Variants in ANK3 observed in about 807,000 individuals in gnomAD.
ANK3 encodes ankyrin-3.
Under a neutral mutation model 370.9 loss-of-function variants are expected in ANK3, and 57 were observed. The ratio of observed to expected loss-of-function variants is 0.15; its 90% CI spans 0.12 to 0.19. The LOEUF is 0.19. Ranked by LOEUF, ANK3 falls within the 10% of genes least tolerant of loss-of-function variation. The pLI is 1.00. For missense variants in ANK3, 4,439 were observed against 5,302.1 expected (o/e 0.84, Z 5.06); for synonymous variants, 1,929 against 1,946.3 (o/e 0.99, Z 0.23).
chr10:60,050,395 G>C (rs2077715363), intron 42 of ANK3, among the ~76,000 whole-genome samples: 1 of 152,146 alleles, frequency 6.6e-6, no homozygotes, highest in Admixed American at 6.5e-5. Flanking sequence ...GGGCAGATTT[G>C]GTGGAGTTTC....
At chr10:60,486,032 C>T (rs968041566) in intron 2 of ANK3, among the ~76,000 whole-genome samples, 3 of 152,068 alleles carry the variant, frequency 2.0e-5, no homozygotes, top group African/African-American at 7.2e-5. Context: ...CAAAGAAAAA[C>T]TTCCCTCAAA....
At chr10:60,586,954 T>C (rs1301110684) in intron 2 of ANK3, among the ~76,000 whole-genome samples, 1 of 152,174 alleles carries the variant, frequency 6.6e-6, no homozygotes, top group Non-Finnish European at 1.5e-5. Flanking sequence ...ATATTAGATG[T>C]ATTAGTCCAT....
chr10:60,289,005 GGT>G (rs2040696170), intron 1 of ANK3, among the ~76,000 whole-genome samples: 1 of 151,684 alleles, frequency 6.6e-6, no homozygotes, highest in Non-Finnish European at 1.5e-5. Context: ...GATCTCCTTT[GGT>G]GGCACATTAA....
intron 23 of ANK3, among the ~76,000 whole-genome samples, chr10:60,141,485 T>C (rs1038650079): frequency 2.0e-5 from 3 of 151,086 alleles, no homozygotes; most frequent in Non-Finnish European, 4.4e-5. Context: ...CCTGTTTATG[T>C]TGGCAGTGAA....
intron 42 of ANK3, among the ~76,000 whole-genome samples, chr10:60,048,190 C>G (rs2077263786): frequency 6.6e-6 from 1 of 152,094 alleles, no homozygotes. Context: ...AGGGATGGAA[C>G]CACCCCAGAC....
At chr10:60,162,283 T>C (rs1319849160) in intron 23 of ANK3, among the ~76,000 whole-genome samples, 1 of 152,182 alleles carries the variant, frequency 6.6e-6, no homozygotes, top group Non-Finnish European at 1.5e-5. Context: ...CTACTCCCAG[T>C]GCTTTACTTG....
chr10:60,426,711 G>A (rs545599777), intron 2 of ANK3, among the ~76,000 whole-genome samples: 1 of 152,228 alleles, frequency 6.6e-6, no homozygotes, highest in South Asian at 2.1e-4. Context: ...AGGCCGTCAA[G>A]CATCTTCCCA....
At chr10:60,131,693 T>G (rs2094078437) in intron 25 of ANK3, among the ~76,000 whole-genome samples, 1 of 152,200 alleles carries the variant, frequency 6.6e-6, no homozygotes, top group South Asian at 2.1e-4. Flanking sequence ...GAAGCCATTT[T>G]ATAGCACCAC....
chr10:60,278,982 TTACTGAGGGCTGAA>T (rs2098127391), intron 3 of ANK3, 54 bp downstream of exon 3: 1 of 1,565,150 alleles, frequency 6.4e-7, no homozygotes, highest in Non-Finnish European at 8.8e-7. Flanking sequence ...GCCCCCATTC[TTACTGAGGGCTGAA>T]TCCTCACAGA....
chr10:60,298,103 T>C (rs2042926232), intron 1 of ANK3, among the ~76,000 whole-genome samples: 1 of 152,198 alleles, frequency 6.6e-6, no homozygotes, highest in African/African-American at 2.4e-5. Context: ...TCAGTTGCTG[T>C]TGAATGATCT....
rs149951051 is a variant in ANK3 at position 60,207,002 on chromosome 10, T to C, written c.1194+1034A>G. On this transcript the variant is annotated intron_variant, in intron 10 of 43. Coordinates refer to ENST00000280772, the MANE Select transcript of ANK3 (RefSeq NM_020987.5). ...AAAATGAGAGTGGGAGCCCACGCCC[T>C]GTTTTAGGACTTATTTTTTTCTTGT... is the stretch of plus-strand genomic sequence containing the variant. Among the ~76,000 whole-genome samples the C allele has an allele frequency of 2.4e-3, 362 of 152,326 alleles. 2 individuals are homozygous for C. Among genetic ancestry groups the C allele is most frequent in the African/African-American group, 8.4e-3 (348 of 41,578 alleles).
At chr10:60,323,831 G>C (rs988292597) in intron 1 of ANK3, among the ~76,000 whole-genome samples, 1 of 152,178 alleles carries the variant, frequency 6.6e-6, no homozygotes, top group African/African-American at 2.4e-5. Flanking sequence ...GTTTCAAAGA[G>C]GGGGAGGTGG....
At position 60,138,995 on chromosome 10, in the gene ANK3, T is replaced by TGTAA; in HGVS notation, c.2703_2706dup (p.Met903LeufsTer5). ...GAACGCGCTCCGAGACTAAAGCCCA[T>TGTAA]GTAACCCTCTGCAGGCAGGGAATCA... is the stretch of plus-strand genomic sequence containing the variant. On this transcript the variant is annotated frameshift_variant, in exon 24 of 44. Coordinates refer to ENST00000280772, the MANE Select transcript of ANK3 (RefSeq NM_020987.5). LOFTEE classifies it high-confidence loss of function. The TGTAA allele has an allele frequency of 6.2e-7, 1 of 1,613,714 alleles. No individual in the cohort carries two copies. Among genetic ancestry groups the TGTAA allele is most frequent in the Non-Finnish European group, 8.5e-7 (1 of 1,179,840 alleles).
intron 1 of ANK3, among the ~76,000 whole-genome samples, chr10:60,623,477 G>C (rs1206367916): frequency 2.0e-5 from 3 of 152,130 alleles, no homozygotes; most frequent in Non-Finnish European, 4.4e-5. Flanking sequence ...AAAACATAGG[G>C]TGATTAAGTA....
At chr10:60,409,933 GTC>G (rs1395580335) in intron 2 of ANK3, among the ~76,000 whole-genome samples, 1 of 152,022 alleles carries the variant, frequency 6.6e-6, no homozygotes, top group East Asian at 1.9e-4. Context: ...CTGAGCCCTA[GTC>G]TCTCAGCTTC....
chr10:60,627,424 A>T (rs1034839654), intron 1 of ANK3, among the ~76,000 whole-genome samples: 10 of 83,044 alleles, frequency 1.2e-4, no homozygotes, highest in African/African-American at 2.1e-4. Flanking sequence ...AAATAAAAAT[A>T]AAAAAAAGGC....
At position 60,493,175 on chromosome 10, in the gene ANK3, G is replaced by C. The variant is rs531259904; in HGVS notation, c.96+122011C>G. Among the ~76,000 whole-genome samples, 53 of 152,134 alleles carry C rather than the reference G, an allele frequency of 3.5e-4. No homozygotes were observed. The South Asian group carries it at 0.011, about 31-fold the overall frequency. ...AGGCACGACTCATTTACATGCTAAA[G>C]AGGTAAGATTTAGAAGGTCCTGCTA... On this transcript the variant is annotated intron_variant, in intron 2 of 43. Transcript: ENST00000373827.
At chr10:60,160,783 A>C (rs1343027771) in intron 23 of ANK3, among the ~76,000 whole-genome samples, 1 of 152,236 alleles carries the variant, frequency 6.6e-6, no homozygotes, top group African/African-American at 2.4e-5. Flanking sequence ...TCATATCCAA[A>C]GAATAAAGGA....
intron 1 of ANK3, among the ~76,000 whole-genome samples, chr10:60,362,974 T>A (rs2058838701): frequency 2.0e-5 from 3 of 152,028 alleles, no homozygotes; most frequent in African/African-American, 7.2e-5. Flanking sequence ...TTGTTCTCTG[T>A]TCATCCATTG....
Sources: gnomAD v4.1 joint callset for allele counts (sites outside exome capture counted in the v4.1 genomes callset) on GRCh38, gnomAD v4.1.1 for gene constraint, MANE v1.5 for transcripts, NCBI Gene and HGNC (gene_info 2026-07-23, HGNC 2026-07-21) for gene names.